INPP5A: variants seen among roughly 807,000 people sequenced by gnomAD.
INPP5A encodes the protein 43 kDa inositol polyphosphate 5-phophatase.
Under a neutral mutation model 65.2 loss-of-function variants are expected in INPP5A, and 14 were observed. That is an observed-to-expected ratio of 0.21 (90% CI 0.14 to 0.34). The LOEUF (loss-of-function observed/expected upper bound fraction) is 0.34. Among genes scored for constraint, INPP5A ranks in the 10% least tolerant of loss-of-function variants. The pLI, the probability that INPP5A is intolerant of heterozygous loss-of-function variation, is 1.00. For synonymous variants in INPP5A, 207 were observed against 208.3 expected, an observed-to-expected ratio of 0.99 and a Z score of 0.05; for missense variants, 431 against 545.6, an observed-to-expected ratio of 0.79 and a Z score of 2.09.
chr10:132,768,634 G>T (rs1565009849), intron 12 of INPP5A, among the ~76,000 whole-genome samples: 1 of 152,232 alleles, frequency 6.6e-6, no homozygotes, highest in Non-Finnish European at 1.5e-5. Context: ...AAGGCTGCCA[G>T]GGCTCTGAGG....
chr10:132,573,301 G>T (rs1436141970), intron 1 of INPP5A, among the ~76,000 whole-genome samples: 1 of 142,798 alleles, frequency 7.0e-6, no homozygotes, highest in Admixed American at 7.1e-5. Flanking sequence ...TGTGTGTGCT[G>T]TGTGAGGTTT....
intron 9 of INPP5A, among the ~76,000 whole-genome samples, chr10:132,749,138 G>C (rs191685926): frequency 1.8e-4 from 28 of 152,398 alleles, no homozygotes; most frequent in Admixed American, 1.5e-3. Context: ...TCAGGGACGG[G>C]AGAGAGCGAG....
chr10:132,557,337 C>T (rs780442678), intron 1 of INPP5A, among the ~76,000 whole-genome samples: 1 of 152,268 alleles, frequency 6.6e-6, no homozygotes, highest in Non-Finnish European at 1.5e-5. Context: ...GATGTGGGCT[C>T]CTGCAGCAGT....
At chr10:132,709,349 G>C (rs1845594419) in intron 7 of INPP5A, among the ~76,000 whole-genome samples, 1 of 126,586 alleles carries the variant, frequency 7.9e-6, no homozygotes, top group South Asian at 3.2e-4. Context: ...GGAAGAGTGA[G>C]AGAGAAGGGT....
intron 5 of INPP5A, among the ~76,000 whole-genome samples, chr10:132,695,460 A>G (rs960576434): frequency 1.3e-5 from 2 of 152,232 alleles, no homozygotes; most frequent in Non-Finnish European, 2.9e-5. Flanking sequence ...CTCCTCTCCT[A>G]CTTCTCTTCA....
At chr10:132,660,970 G>A (rs1274975406) in intron 4 of INPP5A, among the ~76,000 whole-genome samples, 1 of 152,158 alleles carries the variant, frequency 6.6e-6, no homozygotes, top group Admixed American at 6.5e-5. Flanking sequence ...GAGCACTAAA[G>A]AGAAGTAGGG....
rs1440938574 is a variant in INPP5A, at chr10:132,549,828, G to T, written c.75+11657G>T. Among the ~76,000 whole-genome samples the T allele has an allele frequency of 6.6e-6, 1 of 152,236 alleles. No homozygotes were observed. Among genetic ancestry groups the T allele is most frequent in the African/African-American group, 2.4e-5 (1 of 41,460 alleles). On this transcript the variant is annotated intron_variant, in intron 1 of 15. Coordinates refer to ENST00000368594, the MANE Select transcript of INPP5A (RefSeq NM_005539.5). This position sits in a 1 kb window ranked among gnomAD's most constrained non-coding sequence, Gnocchi z 4.9. ...GTCTCTGTTACAGGATTGGTGTGACGTCTGAGTCACTGTGCCTTAGAGTAC... is the reference window on the plus strand; with the variant it reads ...GTCTCTGTTACAGGATTGGTGTGACTTCTGAGTCACTGTGCCTTAGAGTAC...
rs377306403 is a variant in INPP5A at position 132,703,844 on chromosome 10, A to C, written c.475-4469A>C. On this transcript the variant is annotated intron_variant, in intron 6 of 15. Coordinates refer to ENST00000368594, the MANE Select transcript of INPP5A (RefSeq NM_005539.5). Reference sequence around the variant, plus strand: ...CACACACGTGGCTTCACCCCCCCCCACACACACAAGCTTCACCCACACACA... The same window carrying C: ...CACACACGTGGCTTCACCCCCCCCCCCACACACAAGCTTCACCCACACACA... Among the ~76,000 whole-genome samples, 7 of 23,970 alleles carry C rather than the reference A, an allele frequency of 2.9e-4. No individual in the cohort carries two copies. The East Asian group carries it at 5.8e-3, about 20-fold the overall frequency. The allele number at this position is 23,970 out of a possible 152,430, so 15.7% of individuals were successfully genotyped here.
chr10:132,755,551 GGT>G (rs1401784526), intron 11 of INPP5A, among the ~76,000 whole-genome samples: 1 of 147,360 alleles, frequency 6.8e-6, no homozygotes, highest in East Asian at 2.1e-4. Context: ...CATATGAGTG[GGT>G]GTGTGCATGA....
rs2133445423 is a variant in INPP5A, at chr10:132,675,904, T to C, written c.307-14488T>C. ...TGCATTTTACTTTAATTATTCTATA[T>C]CCATAATGCACATAACCAGTTTCTC... On this transcript the variant is annotated intron_variant, in intron 4 of 15. Coordinates refer to ENST00000368594, the MANE Select transcript of INPP5A (RefSeq NM_005539.5). The surrounding 1 kb of genome is among the most constrained non-coding windows in gnomAD (Gnocchi z 4.2). 6.6e-6 allele frequency among the ~76,000 whole-genome samples: 1 copy of C among 152,356 alleles called. No individual in the cohort carries two copies. Among genetic ancestry groups the C allele is most frequent in the Middle Eastern group, 3.4e-3 (1 of 294 alleles).
At chr10:132,611,803 C>T (rs1480448546) in intron 2 of INPP5A, among the ~76,000 whole-genome samples, 1 of 143,102 alleles carries the variant, frequency 7.0e-6, no homozygotes, top group East Asian at 2.2e-4. Flanking sequence ...GGGAAAGGCT[C>T]CATCAGAGGA....
At chr10:132,722,556 C>T (rs900739803) in intron 8 of INPP5A, among the ~76,000 whole-genome samples, 3 of 152,210 alleles carry the variant, frequency 2.0e-5, no homozygotes, top group Non-Finnish European at 4.4e-5. Context: ...GTTAGGGAAG[C>T]GCCCGCTGTT....
intron 11 of INPP5A, among the ~76,000 whole-genome samples, chr10:132,752,300 A>G (rs1846500416): frequency 6.6e-6 from 1 of 151,968 alleles, no homozygotes; most frequent in Admixed American, 6.5e-5. Flanking sequence ...AGGGAAGCCC[A>G]GGGAGATGGA....
At chr10:132,638,093 C>T (rs766268280) in intron 2 of INPP5A, among the ~76,000 whole-genome samples, 87 of 152,256 alleles carry the variant, frequency 5.7e-4, no homozygotes, top group Non-Finnish European at 9.3e-4. Context: ...GATTTGCTGG[C>T]GCTCTTTCTC....
chr10:132,666,054 C>CAAA (rs5789135), intron 4 of INPP5A, among the ~76,000 whole-genome samples: 10,784 of 135,972 alleles, frequency 0.079, 552 homozygotes, highest in Middle Eastern at 0.12. Flanking sequence ...GATCCTGTCT[C>CAAA]AAAAAAAAAA....
chr10:132,543,241 C>A (rs573767037), intron 1 of INPP5A, among the ~76,000 whole-genome samples: 2 of 151,964 alleles, frequency 1.3e-5, no homozygotes, highest in Non-Finnish European at 2.9e-5. Context: ...AGCCCCACGT[C>A]CCCCAGCCTC....
chr10:132,581,218 T>A (rs549627555), intron 1 of INPP5A, among the ~76,000 whole-genome samples: 1 of 152,330 alleles, frequency 6.6e-6, no homozygotes, highest in South Asian at 2.1e-4. Context: ...GGCTGAATAG[T>A]AGTCCTTTGT....
rs537938256 is a variant in INPP5A at position 132,680,916 on chromosome 10, G to A, written c.307-9476G>A. Among the ~76,000 whole-genome samples the A allele has an allele frequency of 8.5e-5, 13 of 152,342 alleles. No homozygotes were observed. The South Asian group carries it at 2.5e-3, about 29-fold the overall frequency. On this transcript the variant is annotated intron_variant, in intron 4 of 15. Coordinates refer to ENST00000368594, the MANE Select transcript of INPP5A (RefSeq NM_005539.5). The stretch of plus-strand genomic sequence containing the variant: ...GGGCAGGGCTCGGGACCTGCAGCCC[G>A]CCATGCCTGAGCCTCCCACCCGCTC...
At chr10:132,754,300 C>T (rs1376200185) in intron 11 of INPP5A, among the ~76,000 whole-genome samples, 1 of 152,250 alleles carries the variant, frequency 6.6e-6, no homozygotes, top group East Asian at 1.9e-4. Flanking sequence ...ACAGTGCCGA[C>T]GTGGGAGCAG....
Sources: allele counts gnomAD v4.1 joint callset (sites outside exome capture counted in the v4.1 genomes callset), GRCh38; gene constraint gnomAD v4.1.1; non-coding constraint Gnocchi (gnomAD v3.1); transcripts MANE v1.5; gene names NCBI Gene and HGNC (gene_info 2026-07-23, HGNC 2026-07-21).